The following ADGRL2 variants were observed in gnomAD, a reference collection of about 807,000 sequenced individuals.
ADGRL2 encodes adhesion G protein-coupled receptor L2, also known as calcium-independent alpha-latrotoxin receptor 2.
In ADGRL2, 44 loss-of-function variants were observed where a neutral mutation model predicts 157.4. That is an observed-to-expected ratio of 0.28 (90% confidence interval 0.22 to 0.36). The LOEUF is 0.36. Ranked by LOEUF, ADGRL2 falls within the 10% of genes least tolerant of loss-of-function variation. The pLI is 1.00. For missense variants in ADGRL2, 1,510 were observed against 1,768.9 expected, an observed-to-expected ratio of 0.85 and a Z score of 2.63; for synonymous variants, 585 against 624.7, an observed-to-expected ratio of 0.94 and a Z score of 0.95.
intron 2 of ADGRL2, among the ~76,000 whole-genome samples, chr1:81,524,516 T>C (rs539962358): frequency 7.2e-5 from 11 of 152,216 alleles, no homozygotes; most frequent in African/African-American, 2.2e-4. Flanking sequence ...TGTGTGTGTG[T>C]ATAAAAGCAA....
intron 23 of ADGRL2, chr1:81,989,807 C>A: frequency 6.6e-7 from 1 of 1,504,824 alleles, no homozygotes; most frequent in Non-Finnish European, 8.8e-7. Context: ...TTTAACATGA[C>A]TTCTTTGTAT....
At chr1:81,688,589 G>A (rs1395858009) in intron 3 of ADGRL2, among the ~76,000 whole-genome samples, 5 of 151,906 alleles carry the variant, frequency 3.3e-5, no homozygotes, top group Admixed American at 6.6e-5. Flanking sequence ...GTCATTGTTT[G>A]GATTTCCTTG....
At chr1:81,482,552 TG>T (rs2078412808) in intron 2 of ADGRL2, among the ~76,000 whole-genome samples, 1 of 152,308 alleles carries the variant, frequency 6.6e-6, no homozygotes, top group South Asian at 2.1e-4. Flanking sequence ...GTATACTAAT[TG>T]CCATAAATAT....
intron 1 of ADGRL2, among the ~76,000 whole-genome samples, chr1:81,746,807 A>C (rs2085261160): frequency 6.6e-6 from 1 of 151,420 alleles, no homozygotes; most frequent in Non-Finnish European, 1.5e-5. Flanking sequence ...CTCTCTGAGA[A>C]TTAGTATACT....
intron 3 of ADGRL2, among the ~76,000 whole-genome samples, chr1:81,636,651 G>T (rs1006871475): frequency 2.0e-5 from 3 of 151,984 alleles, no homozygotes; most frequent in African/African-American, 7.3e-5. Context: ...AACTGAGCTC[G>T]CCAGAACCAT....
intron 3 of ADGRL2, among the ~76,000 whole-genome samples, chr1:81,912,589 C>A (rs1357819805): frequency 6.6e-6 from 1 of 152,014 alleles, no homozygotes; most frequent in African/African-American, 2.4e-5. Flanking sequence ...TAAATGATAT[C>A]ACCCACAGAG....
intron 2 of ADGRL2, among the ~76,000 whole-genome samples, chr1:81,555,174 A>G (rs945444530): frequency 6.6e-5 from 10 of 151,688 alleles, no homozygotes; most frequent in Admixed American, 5.9e-4. Flanking sequence ...GGGTAAAGGG[A>G]TGTGATCTAA....
intron 1 of ADGRL2, among the ~76,000 whole-genome samples, chr1:81,414,535 G>A (rs532188281): frequency 1.3e-5 from 2 of 152,316 alleles, no homozygotes; most frequent in South Asian, 4.1e-4. Flanking sequence ...AGGATGTGCT[G>A]GTGGGTGGTG....
At chr1:81,773,848 T>C (rs1029993351) in intron 2 of ADGRL2, among the ~76,000 whole-genome samples, 6 of 152,176 alleles carry the variant, frequency 3.9e-5, no homozygotes, top group Non-Finnish European at 8.8e-5. Context: ...AGTGTGACTG[T>C]ATTTGGAGAC....
chr1:81,982,582 C>A (rs1207509876), intron 19 of ADGRL2, among the ~76,000 whole-genome samples: 1 of 151,862 alleles, frequency 6.6e-6, no homozygotes. Context: ...AATTTCCATA[C>A]CTTTCACTGG....
At chr1:81,422,183 ACTT>A (rs949103354) in intron 1 of ADGRL2, among the ~76,000 whole-genome samples, 2 of 47,064 alleles carry the variant, frequency 4.2e-5, no homozygotes, top group African/African-American at 8.9e-5. Flanking sequence ...CATCTCTCAA[ACTT>A]CTTTTTTTTT....
At chr1:81,869,169 A>G (rs2093627758) in intron 2 of ADGRL2, among the ~76,000 whole-genome samples, 1 of 152,134 alleles carries the variant, frequency 6.6e-6, no homozygotes, top group African/African-American at 2.4e-5. Context: ...GTTGACTGAG[A>G]TAGAAGAGGA....
rs368580250 is a variant in ADGRL2 at position 81,984,466 on chromosome 1, C to T, written c.3283-117C>T. On this transcript the variant is annotated intron_variant, in intron 19 of 23. Coordinates refer to ENST00000686636, the MANE Select transcript of ADGRL2 (RefSeq NM_001366006.2). ...TTGCAAGTTCAATTTATTTTCTCCA[C>T]GGATAAGTTTTAGTGGAACTTTAAT... 15 of 1,091,880 alleles carry T rather than the reference C, an allele frequency of 1.4e-5. No homozygotes were observed. In the East Asian group the frequency reaches 1.5e-4, roughly 11 times the overall value. 67.6% of individuals were successfully genotyped at this position (1,091,880 alleles called of 1,614,324 possible). A position where few individuals can be genotyped will look rare whatever the true frequency, so the allele number is the denominator to read the frequency against.
chr1:81,753,698 T>C lies in ADGRL2; in HGVS notation c.-142-8113T>C, dbSNP rs571373904. Among the ~76,000 whole-genome samples the C allele has an allele frequency of 2.0e-5, 3 of 152,340 alleles. No homozygotes were observed. In the South Asian group the frequency reaches 6.2e-4, roughly 32 times the overall value. On this transcript the variant is annotated intron_variant, in intron 1 of 20. Coordinates refer to the ADGRL2 transcript ENST00000359929. ...CAATTCGGAATTTAAATATTAAAAA[T>C]TTAGATTAGAATGTAAGCTCATGAA...
At chr1:81,778,191 G>A (rs2086666018) in intron 2 of ADGRL2, among the ~76,000 whole-genome samples, 1 of 130,518 alleles carries the variant, frequency 7.7e-6, no homozygotes, top group South Asian at 2.5e-4. Flanking sequence ...GCATGGTGGC[G>A]GGCACTTGTA....
chr1:81,622,172 G>T (rs572728278), intron 3 of ADGRL2, among the ~76,000 whole-genome samples: 2 of 152,244 alleles, frequency 1.3e-5, no homozygotes, highest in African/African-American at 4.8e-5. Flanking sequence ...AAATCATAAT[G>T]GAGATGACTC....
intron 2 of ADGRL2, among the ~76,000 whole-genome samples, chr1:81,789,631 CAGG>C (rs2087229998): frequency 7.1e-6 from 1 of 141,724 alleles, no homozygotes; most frequent in African/African-American, 2.6e-5. Context: ...GATGCTGAGG[CAGG>C]AGAACTGCTT....
intron 2 of ADGRL2, among the ~76,000 whole-genome samples, chr1:81,460,843 T>G (rs1170868577): frequency 2.0e-5 from 3 of 152,222 alleles, no homozygotes; most frequent in Non-Finnish European, 4.4e-5. Flanking sequence ...GTGGACTGTC[T>G]TCCTTGCAAA....
At chr1:81,670,064 G>T (rs1291647950) in intron 3 of ADGRL2, among the ~76,000 whole-genome samples, 1 of 151,556 alleles carries the variant, frequency 6.6e-6, no homozygotes, top group Non-Finnish European at 1.5e-5. Flanking sequence ...TGTAAGGAAA[G>T]TGTGTGGTGT....
Sources: allele counts gnomAD v4.1 joint callset (sites outside exome capture counted in the v4.1 genomes callset), GRCh38; gene constraint gnomAD v4.1.1; transcripts MANE v1.5; gene names NCBI Gene and HGNC (gene_info 2026-07-23, HGNC 2026-07-21).